Variants in CPEB3 observed in about 807,000 individuals in gnomAD.
CPEB3 encodes cytoplasmic polyadenylation element binding protein 3.
Under a neutral mutation model 67.2 loss-of-function variants are expected in CPEB3, and 20 were observed. The ratio of observed to expected loss-of-function variants is 0.30; its 90% confidence interval spans 0.21 to 0.43. CPEB3 has a LOEUF of 0.43. Among genes scored for constraint, CPEB3 ranks in the 20% least tolerant of loss-of-function variants. The pLI is 1.00. For missense variants in CPEB3, 746 were observed against 968.6 expected (o/e 0.77, Z 3.05); for synonymous variants, 376 against 393.1 (o/e 0.96, Z 0.51).
chr10:92,280,753 CTTTTTTTTTTT>C (rs948586177), intron 1 of CPEB3, among the ~76,000 whole-genome samples: 1 of 91,674 alleles, frequency 1.1e-5, no homozygotes, highest in African/African-American at 5.0e-5. Context: ...AGCATCTATT[CTTTTTTTTTTT>C]TTTTTTTTTT....
intron 4 of CPEB3, 137 bp from the exon 5 acceptor site, chr10:92,145,222 A>G: frequency 1.1e-6 from 1 of 887,110 alleles, no homozygotes; most frequent in Non-Finnish European, 1.7e-6. Context: ...AGGTGTCCTG[A>G]GCTGTGGCTT....
Position 92,240,052 on chromosome 10 carries a change from C to G in CPEB3, c.299G>C (p.Gly100Ala). The G allele has an allele frequency of 6.3e-7, 1 of 1,594,596 alleles. No individual in the cohort carries two copies. The highest frequency in any genetic ancestry group is 8.5e-7 in the Non-Finnish European group (1 of 1,171,042). The change falls in exon 2 of 10, where the codon GGC becomes GCC. Residue 100 changes from glycine to alanine, a missense_variant. Gly to Ala is a moderately conservative substitution (Grantham distance 60). Around this residue, in one of 2 missense-constraint regions of CPEB3, gnomAD observed 643 missense variants for 717.5 expected, o/e 0.90. Transcript: ENST00000265997. ...GCCGAAGGACGGCGACAGCGACGCG[C>G]CCGGTGCCGCGGGCTCCTGAGGCGG... ...PPPPQEPAAPGASLSPSFGST... is the reference protein window; with the variant it reads ...PPPPQEPAAPAASLSPSFGST...
intron 4 of CPEB3, among the ~76,000 whole-genome samples, chr10:92,157,688 C>A (rs1358628402): frequency 6.6e-6 from 1 of 152,006 alleles, no homozygotes. Flanking sequence ...CCTCCAAAAC[C>A]CAAGTTCTGC....
At chr10:92,144,557 C>T (rs1220688485) in intron 5 of CPEB3, among the ~76,000 whole-genome samples, 1 of 152,122 alleles carries the variant, frequency 6.6e-6, no homozygotes, top group Non-Finnish European at 1.5e-5. Context: ...TGAACCACTG[C>T]ACTGGCCAGT....
intron 9 of CPEB3, among the ~76,000 whole-genome samples, chr10:92,055,041 A>G (rs529752658): frequency 2.4e-3 from 372 of 152,368 alleles, no homozygotes; most frequent in Non-Finnish European, 4.2e-3. Context: ...GTGCTCCATC[A>G]GTTGATGAGA....
chr10:92,182,599 G>A (rs771044153), intron 3 of CPEB3, among the ~76,000 whole-genome samples: 11 of 152,158 alleles, frequency 7.2e-5, no homozygotes, highest in Admixed American at 6.5e-5. Context: ...GCCGAGGAGG[G>A]CAGATCATCT....
At position 92,117,029 on chromosome 10, in the gene CPEB3, CT is replaced by C. The variant is rs1464884465; in HGVS notation, c.1454-5836del. The stretch of plus-strand genomic sequence containing the variant: ...GTAAATTTAATTAAAATATTTTTTT[CT>C]TTTTGTTTTTTTGAGACAGAGTCTC... On this transcript the variant is annotated intron_variant, in intron 6 of 9. Transcript: ENST00000265997. Among the ~76,000 whole-genome samples the C allele has an allele frequency of 2.0e-5, 3 of 151,974 alleles. No homozygotes were observed. The East Asian group carries it at 5.8e-4, about 29-fold the overall frequency.
chr10:92,146,645 T>TA, intron 4 of CPEB3, among the ~76,000 whole-genome samples: 1 of 152,298 alleles, frequency 6.6e-6, no homozygotes, highest in East Asian at 1.9e-4. Flanking sequence ...CCAGGTAGTG[T>TA]AAAAAAGACA....
chr10:92,240,978 TAGA>T (rs1219126333), intron 1 of CPEB3, among the ~76,000 whole-genome samples: 2 of 152,182 alleles, frequency 1.3e-5, no homozygotes, highest in Non-Finnish European at 1.5e-5. Context: ...TGGCATTTGT[TAGA>T]AGGACTCAGC....
At chr10:92,086,657 T>C (rs1003549378) in intron 8 of CPEB3, among the ~76,000 whole-genome samples, 28 of 152,224 alleles carry the variant, frequency 1.8e-4, no homozygotes, top group Admixed American at 1.8e-3. Flanking sequence ...GACAGAGTGG[T>C]ATTCAAATGT....
At chr10:92,251,825 C>G (rs1852313113) in intron 1 of CPEB3, among the ~76,000 whole-genome samples, 1 of 151,790 alleles carries the variant, frequency 6.6e-6, no homozygotes, top group Non-Finnish European at 1.5e-5. Context: ...CCTGTAATCC[C>G]AGCTACTCGG....
intron 4 of CPEB3, among the ~76,000 whole-genome samples, chr10:92,167,801 G>A (rs1409863365): frequency 2.6e-5 from 4 of 152,020 alleles, no homozygotes; most frequent in East Asian, 3.8e-4. Flanking sequence ...CCAGCTACTC[G>A]GGAGACTGAG....
At chr10:92,175,839 T>C (rs1358705329) in intron 4 of CPEB3, among the ~76,000 whole-genome samples, 2 of 151,766 alleles carry the variant, frequency 1.3e-5, no homozygotes, top group Non-Finnish European at 2.9e-5. Context: ...GCTGTAATCC[T>C]AGCACTTTGA....
chr10:92,279,093 A>G (rs1842138357), intron 1 of CPEB3, among the ~76,000 whole-genome samples: 1 of 152,154 alleles, frequency 6.6e-6, no homozygotes, highest in Non-Finnish European at 1.5e-5. Context: ...AGGATGTAAG[A>G]GGACATATTC....
chr10:92,250,743 G>A (rs1412314742), intron 1 of CPEB3, among the ~76,000 whole-genome samples: 6 of 151,724 alleles, frequency 4.0e-5, no homozygotes, highest in Non-Finnish European at 8.8e-5. Flanking sequence ...AGGCTGGAGT[G>A]CAGTGGCATA....
intron 8 of CPEB3, among the ~76,000 whole-genome samples, chr10:92,086,632 G>A (rs1843385900): frequency 6.6e-6 from 1 of 152,130 alleles, no homozygotes; most frequent in African/African-American, 2.4e-5. Flanking sequence ...TGAGAGCTCT[G>A]GGCACACTGC....
rs1304654491 is a variant in CPEB3, at chr10:92,053,378, T to C, written c.1870-939A>G. ...TATCATTTTTTTTTTTAATTATTAT[T>C]TTTTGAGATGGAGTCTCACTCTGTC... On this transcript the variant is annotated intron_variant, in intron 9 of 9. Coordinates refer to ENST00000265997, the MANE Select transcript of CPEB3 (RefSeq NM_014912.5). Among the ~76,000 whole-genome samples, 3 of 152,206 alleles carry C rather than the reference T, an allele frequency of 2.0e-5. No homozygotes were observed. In the East Asian group the frequency reaches 5.8e-4, roughly 29 times the overall value.
At chr10:92,064,967 C>T (rs1248345038) in intron 9 of CPEB3, among the ~76,000 whole-genome samples, 1 of 152,098 alleles carries the variant, frequency 6.6e-6, no homozygotes, top group Non-Finnish European at 1.5e-5. Context: ...TAGGTTACTT[C>T]GAGAAATCAG....
intron 1 of CPEB3, among the ~76,000 whole-genome samples, chr10:92,241,016 A>G (rs1196949298): frequency 6.6e-6 from 1 of 152,202 alleles, no homozygotes; most frequent in Non-Finnish European, 1.5e-5. Context: ...CTGGCCTCCC[A>G]GTAGCTGCAG....
Sources: allele counts gnomAD v4.1 joint callset (sites outside exome capture counted in the v4.1 genomes callset), GRCh38; gene constraint gnomAD v4.1.1; regional missense constraint gnomAD v4.1.1; transcripts MANE v1.5; gene names NCBI Gene and HGNC (gene_info 2026-07-23, HGNC 2026-07-21).